GGACT: variants seen among roughly 807,000 people sequenced by gnomAD.
GGACT encodes the protein gamma-glutamylamine cyclotransferase, also known as gamma-glutamylaminecyclotransferase.
For missense variants in GGACT, 241 were observed against 233.2 expected (o/e 1.03, Z -0.22); for synonymous variants, 118 against 115.3 (o/e 1.02, Z -0.15).
intron 2 of GGACT, among the ~76,000 whole-genome samples, chr13:100,580,438 G>A (rs1314515258): frequency 6.6e-6 from 1 of 152,258 alleles, no homozygotes; most frequent in Non-Finnish European, 1.5e-5. Flanking sequence ...AACGCCTGGA[G>A]CCGCCAGAAG....
rs1170498162 is a variant in GGACT at position 100,530,491 on chromosome 13, G to T, written c.*1639C>A. 4 of 434,960 alleles carry T rather than the reference G, an allele frequency of 9.2e-6. No individual in the cohort carries two copies. Among genetic ancestry groups the T allele is most frequent in the Non-Finnish European group, 1.7e-5 (4 of 234,894 alleles). 26.9% of individuals were successfully genotyped at this position (434,960 alleles called of 1,614,324 possible). On this transcript the variant is annotated 3_prime_UTR_variant, in exon 3 of 3. Coordinates refer to ENST00000683975, the MANE Select transcript of GGACT (RefSeq NM_001195087.2). ...AATGTACACATAGGCGACAGGCTCT[G>T]CCAGTAGACTACCAGCATTTCTTTG...
chr13:100,541,451 A>G (rs837305), intron 2 of GGACT, among the ~76,000 whole-genome samples: 86,882 of 151,956 alleles, frequency 0.57, 25,301 homozygotes, highest in East Asian at 0.81. Context: ...CTGTGCAGGC[A>G]TGAGCACCTG....
intron 2 of GGACT, among the ~76,000 whole-genome samples, chr13:100,540,927 G>A (rs557736187): frequency 1.3e-5 from 2 of 152,364 alleles, no homozygotes; most frequent in East Asian, 3.9e-4. Context: ...CACTGCAGAA[G>A]GGGATGCCAC....
chr13:100,530,302 A>C lies in GGACT; in HGVS notation c.*1828T>G. On this transcript the variant is annotated 3_prime_UTR_variant, in exon 3 of 3. Coordinates refer to ENST00000683975, the MANE Select transcript of GGACT (RefSeq NM_001195087.2). The stretch of plus-strand genomic sequence containing the variant: ...ACGTCGTCATTTATTCCACAGAGTC[A>C]AGACCAATATTCTGCCAAAAAATCA... 2.2e-5 allele frequency: 17 copies of C among 758,164 alleles called. 1 individual carries two copies. Among genetic ancestry groups the C allele is most frequent in the Middle Eastern group, 2.4e-4 (1 of 4,248 alleles). 47.0% of individuals were successfully genotyped at this position (758,164 alleles called of 1,614,324 possible). A position where few individuals can be genotyped will look rare whatever the true frequency, so the allele number is the denominator to read the frequency against.
chr13:100,577,418 A>AAAATAAATTAAT lies in GGACT; in HGVS notation c.-11+6406_-11+6407insATTAATTTATTT, dbSNP rs1875280386. On this transcript the variant is annotated intron_variant, in intron 2 of 2. Transcript: ENST00000683975. The stretch of plus-strand genomic sequence containing the variant: ...GTGACAAGAGCGAGACTCCATCTCA[A>AAAATAAATTAAT]AAATAAATAAATAAATAAATAAATA... 2.8e-5 allele frequency among the ~76,000 whole-genome samples: 4 copies of AAAATAAATTAAT among 141,174 alleles called. No homozygotes were observed. The Admixed American group carries it at 2.9e-4, about 10-fold the overall frequency. The allele number at this position is 141,174 out of a possible 152,430, so 92.6% of individuals were successfully genotyped here. A position where few individuals can be genotyped will look rare whatever the true frequency, so the allele number is the denominator to read the frequency against.
At chr13:100,550,299 TACACACACACACACACACACACACACAC>T (rs755235689) in intron 2 of GGACT, among the ~76,000 whole-genome samples, 6 of 27,276 alleles carry the variant, frequency 2.2e-4, no homozygotes, top group African/African-American at 8.7e-4. Context: ...GATTATACTC[TACACACACACACACACACACACACACAC>T]ACACACACAC....
intron 2 of GGACT, among the ~76,000 whole-genome samples, chr13:100,547,275 T>C (rs2088615891): frequency 6.6e-6 from 1 of 151,990 alleles, no homozygotes; most frequent in Non-Finnish European, 1.5e-5. Flanking sequence ...CCTGCAAAAC[T>C]CACCTCCCGG....
intron 2 of GGACT, among the ~76,000 whole-genome samples, chr13:100,547,956 C>G (rs1173831263): frequency 6.6e-6 from 1 of 152,260 alleles, no homozygotes; most frequent in Non-Finnish European, 1.5e-5. Context: ...GACGGTGCAG[C>G]AATCACACGC....
chr13:100,577,797 A>AAAGGGGAGAAGGAAAGTAGGGAGGGAGG (rs1875296523), intron 2 of GGACT, among the ~76,000 whole-genome samples: 1 of 150,672 alleles, frequency 6.6e-6, no homozygotes, highest in African/African-American at 2.5e-5. Context: ...AAAAAGAGAG[A>AAAGGGGAGAAGGAAAGTAGGGAGGGAGG]AAGGGGAGAA....
At chr13:100,540,146 C>T (rs1338618677) in intron 2 of GGACT, 7 of 1,591,772 alleles carry the variant, frequency 4.4e-6, no homozygotes, top group Middle Eastern at 1.7e-4. Context: ...TTCTTAATGG[C>T]GTTGTCCTTG....
rs150507427 is a variant in GGACT, at chr13:100,574,155, T to C, written c.-11+9670A>G. ...AACATAGGTGTCCATCAACAATGGA[T>C]TGGACAAAAAATGTGGCACATATAC... On this transcript the variant is annotated intron_variant, in intron 2 of 2. Coordinates refer to ENST00000683975, the MANE Select transcript of GGACT (RefSeq NM_001195087.2). 2.3e-3 allele frequency among the ~76,000 whole-genome samples: 349 copies of C among 152,230 alleles called. 3 individuals carry two copies. The highest frequency in any genetic ancestry group is 7.6e-3 in the African/African-American group (316 of 41,526).
In GGACT at chr13:100,545,276, G is replaced by T. The variant is rs1418162367; in HGVS notation, c.-10-12675C>A. The stretch of plus-strand genomic sequence containing the variant: ...CACCTGGTGCTCCAAACCACATGGT[G>T]AGGCCGCTTCACTCCCAGCTTCTCC... On this transcript the variant is annotated intron_variant, in intron 2 of 2. Transcript: ENST00000683975. This position sits in a 1 kb window ranked among gnomAD's most constrained non-coding sequence, Gnocchi z 4.4. Among the ~76,000 whole-genome samples, 1 of 152,248 alleles carries T rather than the reference G, an allele frequency of 6.6e-6. No individual in the cohort carries two copies. The highest frequency in any genetic ancestry group is 1.5e-5 in the Non-Finnish European group (1 of 68,034).
At chr13:100,572,308 T>C (rs1206708986) in intron 2 of GGACT, among the ~76,000 whole-genome samples, 1 of 152,112 alleles carries the variant, frequency 6.6e-6, no homozygotes, top group East Asian at 1.9e-4. Context: ...AAAAGACAAA[T>C]GCTGTAAGAT....
chr13:100,532,739 T>C, intron 2 of GGACT, 138 bp from the exon 3 acceptor site: 1 of 643,346 alleles, frequency 1.6e-6, no homozygotes, highest in Non-Finnish European at 2.7e-6. Flanking sequence ...GATAAGGCGT[T>C]ACTTACCGAC....
intron 2 of GGACT, among the ~76,000 whole-genome samples, chr13:100,562,801 A>AAG (rs1191458798): frequency 6.6e-6 from 1 of 151,818 alleles, no homozygotes; most frequent in Admixed American, 6.6e-5. Flanking sequence ...GTCTCAAAAA[A>AAG]AAAAAAAGAA....
chr13:100,560,016 C>T (rs992714081), intron 2 of GGACT, among the ~76,000 whole-genome samples: 2 of 152,078 alleles, frequency 1.3e-5, no homozygotes, highest in Admixed American at 6.5e-5. Context: ...GACTACATCC[C>T]GTATGATTCC....
At position 100,571,816 on chromosome 13, in the gene GGACT, A is replaced by T. The variant is rs570481767; in HGVS notation, c.-11+12009T>A. Among the ~76,000 whole-genome samples the T allele has an allele frequency of 2.6e-5, 4 of 152,350 alleles. No individual in the cohort carries two copies. In the South Asian group the frequency reaches 8.3e-4, roughly 32 times the overall value. On this transcript the variant is annotated intron_variant, in intron 2 of 2. Coordinates refer to ENST00000683975, the MANE Select transcript of GGACT (RefSeq NM_001195087.2). ...ATATATACATTCTGGCCCACACATGATCTCAATAATTCTTACTCCCTCTGA... is the reference window on the plus strand; with the variant it reads ...ATATATACATTCTGGCCCACACATGTTCTCAATAATTCTTACTCCCTCTGA...
chr13:100,583,957 G>A lies in GGACT; in HGVS notation c.-143C>T, dbSNP rs1448434872. 2.0e-5 allele frequency: 3 copies of A among 152,310 alleles called. No individual in the cohort carries two copies. The highest frequency in any genetic ancestry group is 4.8e-5 in the African/African-American group (2 of 41,548). The allele number at this position is 152,310 out of a possible 1,614,324, so 9.4% of individuals were successfully genotyped here. ...AAAAGTTAAGTCCACTTCACAGGGTGACCAGAAAGTCCATGGGGACCAAAT... is the reference window on the plus strand; with the variant it reads ...AAAAGTTAAGTCCACTTCACAGGGTAACCAGAAAGTCCATGGGGACCAAAT... On this transcript the variant is annotated 5_prime_UTR_variant, in exon 2 of 3. Coordinates refer to ENST00000683975, the MANE Select transcript of GGACT (RefSeq NM_001195087.2).
Position 100,566,930 on chromosome 13 carries a change from G to A in GGACT, c.-11+16895C>T, listed in dbSNP as rs553400958. Among the ~76,000 whole-genome samples the A allele has an allele frequency of 3.9e-5, 6 of 152,320 alleles. 1 individual carries two copies. Among genetic ancestry groups the A allele is most frequent in the African/African-American group, 1.4e-4 (6 of 41,574 alleles). The stretch of plus-strand genomic sequence containing the variant: ...ATGTCCTTTAGCCTCCTTCCATCTG[G>A]AACAATTCCTGCCTGTCTTTGGCAT... On this transcript the variant is annotated intron_variant, in intron 2 of 2. Transcript: ENST00000683975.
Sources: allele counts gnomAD v4.1 joint callset (sites outside exome capture counted in the v4.1 genomes callset), GRCh38; gene constraint gnomAD v4.1.1; non-coding constraint Gnocchi (gnomAD v3.1); transcripts MANE v1.5; gene names NCBI Gene and HGNC (gene_info 2026-07-23, HGNC 2026-07-21).